Variants in ECE1 observed in about 807,000 individuals in gnomAD.
ECE1 encodes endothelin-converting enzyme 1.
Under a neutral mutation model 98.6 loss-of-function variants are expected in ECE1, and 35 were observed. The observed-to-expected ratio is 0.35, with a 90% CI of 0.27 to 0.47. The LOEUF (loss-of-function observed/expected upper bound fraction) is 0.47. ECE1 is among the 20% of genes least tolerant of loss of function. ECE1 has a pLI of 1.00. For missense variants in ECE1, 814 were observed against 1,025.3 expected (o/e 0.79, Z 2.81); for synonymous variants, 394 against 407.1 (o/e 0.97, Z 0.39).
intron 1 of ECE1, among the ~76,000 whole-genome samples, chr1:21,337,308 C>T (rs1298863854): frequency 6.6e-6 from 1 of 152,098 alleles, no homozygotes; most frequent in Non-Finnish European, 1.5e-5. Context: ...CCTTGCTGTC[C>T]AAAGCTGAAG....
In ECE1 at chr1:21,344,546, G is replaced by A. The variant is rs549254971; in HGVS notation, c.3+830C>T. 1.4e-3 allele frequency among the ~76,000 whole-genome samples: 212 copies of A among 152,286 alleles called. 1 individual carries two copies. Among genetic ancestry groups the A allele is most frequent in the Middle Eastern group, 0.01 (3 of 294 alleles). On this transcript the variant is annotated intron_variant, in intron 1 of 18. Transcript: ENST00000415912. ...TGGACAAAGGGCCTTTGCTCTTGGG[G>A]TCCAGGGACAATGCCCCTCCCAACA...
At chr1:21,221,549 C>A (rs2098167470) in intron 18 of ECE1, among the ~76,000 whole-genome samples, 198 bp downstream of exon 18, 1 of 152,312 alleles carries the variant, frequency 6.6e-6, no homozygotes, top group Admixed American at 6.5e-5. Flanking sequence ...TTCTCATTCA[C>A]CAGATCCAGG....
At chr1:21,241,322 C>A (rs1339075401) in intron 10 of ECE1, among the ~76,000 whole-genome samples, 1 of 152,128 alleles carries the variant, frequency 6.6e-6, no homozygotes, top group African/African-American at 2.4e-5. Context: ...AGGTGTGAGC[C>A]ACCGCACCCA....
chr1:21,272,679 T>A lies in ECE1; in HGVS notation c.493+20A>T, dbSNP rs1384661680. 1 of 1,614,100 alleles carries A rather than the reference T, an allele frequency of 6.2e-7. No individual in the cohort carries two copies. The highest frequency in any genetic ancestry group is 1.1e-5 in the South Asian group (1 of 91,078). On this transcript the variant is annotated intron_variant, in intron 4 of 18. Coordinates refer to ENST00000374893, the MANE Select transcript of ECE1 (RefSeq NM_001397.3). The stretch of plus-strand genomic sequence containing the variant: ...CTCCCCGCTGTGGCCCATTTATTGG[T>A]CTCCATGCTGGATGCTTACCGAGGA...
chr1:21,326,904 G>C (rs972501099), intron 1 of ECE1, among the ~76,000 whole-genome samples: 1 of 152,116 alleles, frequency 6.6e-6, no homozygotes, highest in Non-Finnish European at 1.5e-5. Context: ...GCATCAGCTC[G>C]GGTCCCTGGA....
rs1286880405 is a variant in ECE1, at chr1:21,225,194, G to A, written c.2040+56C>T. ...GTCCGTGATGATCCTCTACGGACAG[G>A]CATCTGGAAGGAGCCAGCACTGGGA... On this transcript the variant is annotated intron_variant, in intron 17 of 18. Transcript: ENST00000374893. This position sits in a 1 kb window ranked among gnomAD's most constrained non-coding sequence, Gnocchi z 5.3. The A allele has an allele frequency of 6.3e-6, 10 of 1,596,926 alleles. No homozygotes were observed. The highest frequency in any genetic ancestry group is 6.8e-6 in the Non-Finnish European group (8 of 1,168,612).
At chr1:21,288,501 G>T (rs943250301) in intron 2 of ECE1, among the ~76,000 whole-genome samples, 2 of 152,176 alleles carry the variant, frequency 1.3e-5, no homozygotes, top group African/African-American at 4.8e-5. Context: ...CTTGGCCGGG[G>T]GCCCTCCCCA....
chr1:21,287,658 C>T (rs1391185008), intron 2 of ECE1, among the ~76,000 whole-genome samples: 1 of 152,234 alleles, frequency 6.6e-6, no homozygotes, highest in East Asian at 1.9e-4. Context: ...CCTAAGTGTC[C>T]AACTACAGTG....
chr1:21,341,093 G>A (rs191642522), intron 1 of ECE1, among the ~76,000 whole-genome samples: 2 of 150,550 alleles, frequency 1.3e-5, no homozygotes, highest in Non-Finnish European at 3.0e-5. Flanking sequence ...TGATTTTAAT[G>A]CCATGTGCTC....
upstream of ECE1, chr1:21,294,163 G>A (rs1002599573): frequency 6.6e-6 from 1 of 152,586 alleles, no homozygotes; most frequent in Non-Finnish European, 1.5e-5. The surrounding 1 kb of genome is among the most constrained non-coding windows in gnomAD (Gnocchi z 4.2). Context: ...CCTGGGTCCT[G>A]GACTCTTGGT....
At chr1:21,315,470 A>G (rs1297816258) in intron 1 of ECE1, among the ~76,000 whole-genome samples, 1 of 152,112 alleles carries the variant, frequency 6.6e-6, no homozygotes, top group Non-Finnish European at 1.5e-5. Flanking sequence ...GGAAAGTCCT[A>G]GGGGCTTGTA....
intron 1 of ECE1, among the ~76,000 whole-genome samples, chr1:21,309,035 G>A (rs558144215): frequency 2.0e-5 from 3 of 152,316 alleles, no homozygotes; most frequent in South Asian, 4.1e-4. Flanking sequence ...CAGGCTCCTC[G>A]CTAGTTGGGA....
chr1:21,231,904 G>A (rs1252400034), intron 14 of ECE1, among the ~76,000 whole-genome samples: 1 of 152,244 alleles, frequency 6.6e-6, no homozygotes, highest in Admixed American at 6.5e-5. Flanking sequence ...GTGGGCCGCT[G>A]TACCTGGCCA....
chr1:21,311,236 GT>G (rs1421072764), intron 1 of ECE1, among the ~76,000 whole-genome samples: 2 of 152,060 alleles, frequency 1.3e-5, no homozygotes, highest in Non-Finnish European at 2.9e-5. Context: ...GGCCTGCAGG[GT>G]CACACCCCCA....
chr1:21,277,617 C>T (rs187647672), intron 3 of ECE1, among the ~76,000 whole-genome samples: 6 of 152,340 alleles, frequency 3.9e-5, no homozygotes, highest in Admixed American at 3.9e-4. Flanking sequence ...TATACATACA[C>T]TCAGCAGAGA....
chr1:21,248,070 A>G (rs1486077834), intron 8 of ECE1, among the ~76,000 whole-genome samples: 6 of 152,208 alleles, frequency 3.9e-5, no homozygotes, highest in South Asian at 2.1e-4. Context: ...TCCGAAGGTG[A>G]TATTTCTCAG....
chr1:21,276,811 G>A (rs748517931), intron 3 of ECE1, among the ~76,000 whole-genome samples: 2 of 151,514 alleles, frequency 1.3e-5, no homozygotes, highest in Non-Finnish European at 2.9e-5. Flanking sequence ...TCAACCTCTC[G>A]AGTAGCCGGT....
chr1:21,220,886 C>T lies in ECE1; in HGVS notation c.2137-755G>A, dbSNP rs901181683. Among the ~76,000 whole-genome samples, 2 of 152,150 alleles carry T rather than the reference C, an allele frequency of 1.3e-5. No individual in the cohort carries two copies. The highest frequency in any genetic ancestry group is 2.4e-5 in the African/African-American group (1 of 41,434). ...CGGGGAGTCAGGAGGGTCCCCTGAG[C>T]GGGTCAGGAAGAGACAGTGGGCTGG... On this transcript the variant is annotated intron_variant, in intron 18 of 18. Coordinates refer to ENST00000374893, the MANE Select transcript of ECE1 (RefSeq NM_001397.3). This position sits in a 1 kb window ranked among gnomAD's most constrained non-coding sequence, Gnocchi z 5.0.
rs1329531185 is a variant in ECE1, at chr1:21,218,356, C to A, written c.*1599G>T. 6.6e-6 allele frequency: 1 copy of A among 152,430 alleles called. No homozygotes were observed. The highest frequency in any genetic ancestry group is 1.5e-5 in the Non-Finnish European group (1 of 68,224). 9.4% of individuals were successfully genotyped at this position (152,430 alleles called of 1,614,324 possible). On this transcript the variant is annotated 3_prime_UTR_variant, in exon 19 of 19. Transcript: ENST00000374893. This position sits in a 1 kb window ranked among gnomAD's most constrained non-coding sequence, Gnocchi z 4.0. ...CTCCCGTGGAGGTTAGCCCTGCAGG[C>A]ACCGGGGAAATGGGGCTATGGCCTG...
Sources: gnomAD v4.1 joint callset for allele counts (sites outside exome capture counted in the v4.1 genomes callset) on GRCh38, gnomAD v4.1.1 for gene constraint, Gnocchi (gnomAD v3.1) non-coding constraint, MANE v1.5 for transcripts, NCBI Gene and HGNC (gene_info 2026-07-23, HGNC 2026-07-21) for gene names.